RNF17: variants seen among roughly 807,000 people sequenced by gnomAD.
The protein encoded by RNF17 is spermatogenesis associated 23.
In RNF17, 31 loss-of-function variants were observed where a neutral mutation model predicts 200.5. That is an observed-to-expected ratio of 0.15 (90% CI 0.12 to 0.21). The LOEUF is 0.21. Among genes scored for constraint, RNF17 ranks in the 10% least tolerant of loss-of-function variants. The pLI is 1.00. For synonymous variants in RNF17, 606 were observed against 637.8 expected (o/e 0.95, Z 0.75); for missense variants, 1,628 against 1,905.1 (o/e 0.85, Z 2.71).
intron 11 of RNF17, among the ~76,000 whole-genome samples, 155 bp downstream of exon 11, chr13:24,796,450 T>G (rs1884581316): frequency 6.6e-6 from 1 of 152,254 alleles, no homozygotes; most frequent in African/African-American, 2.4e-5. Flanking sequence ...ATAAATTATT[T>G]AGGCAAATTA....
chr13:24,879,165 C>T (rs768794500), intron 34 of RNF17, 22 bp from the exon 35 acceptor site: 3 of 1,565,030 alleles, frequency 1.9e-6, no homozygotes, highest in South Asian at 2.2e-5. Flanking sequence ...GTTTTCTTGA[C>T]AACTGTATCT....
At chr13:24,796,981 C>G (rs1188805789) in intron 11 of RNF17, among the ~76,000 whole-genome samples, 1 of 152,080 alleles carries the variant, frequency 6.6e-6, no homozygotes, top group Non-Finnish European at 1.5e-5. Flanking sequence ...GTATGATTAA[C>G]TCTCAGCTCA....
At chr13:24,854,181 A>G in intron 25 of RNF17, 37 bp downstream of exon 25, 4 of 1,480,164 alleles carry the variant, frequency 2.7e-6, no homozygotes, top group Non-Finnish European at 3.7e-6. Flanking sequence ...CTAGTTCTCT[A>G]GTACGAACGA....
chr13:24,790,924 C>T (rs1360743334), intron 9 of RNF17, among the ~76,000 whole-genome samples: 1 of 152,152 alleles, frequency 6.6e-6, no homozygotes, highest in Non-Finnish European at 1.5e-5. Context: ...ATTAATTTCC[C>T]CAAAGGCCCC....
intron 1 of RNF17, 58 bp from the exon 2 acceptor site, chr13:24,767,214 A>G: frequency 8.1e-7 from 1 of 1,232,734 alleles, no homozygotes; most frequent in Non-Finnish European, 1.2e-6. Flanking sequence ...ACAGAGCAAG[A>G]CCCTGTCTCA....
intron 5 of RNF17, among the ~76,000 whole-genome samples, chr13:24,780,283 C>T (rs1236495854): frequency 6.6e-6 from 1 of 151,094 alleles, no homozygotes; most frequent in African/African-American, 2.4e-5. Context: ...ATGAGAAATA[C>T]GATAAAAGTA....
chr13:24,821,396 TC>T (rs1363666761), intron 15 of RNF17, among the ~76,000 whole-genome samples: 1 of 152,226 alleles, frequency 6.6e-6, no homozygotes, highest in Non-Finnish European at 1.5e-5. Flanking sequence ...TAGGTTCATG[TC>T]TTTCTTTAAA....
chr13:24,866,172 A>G lies in RNF17; in HGVS notation c.4130A>G (p.Tyr1377Cys). 2.6e-6 allele frequency: 4 copies of G among 1,559,472 alleles called. No homozygotes were observed. Among genetic ancestry groups the G allele is most frequent in the Admixed American group, 1.7e-5 (1 of 58,826 alleles). The change falls in exon 30 of 36, where the codon TAT becomes TGT. Residue 1377 changes from tyrosine to cysteine, a missense_variant. Around this residue, in one of 5 missense-constraint regions of RNF17, gnomAD observed 609 missense variants for 681.9 expected, o/e 0.89. Transcript: ENST00000255324. Reference sequence around the variant, plus strand: ...CCAAGATCAGATCATGATAAAAAGTATGAAGAGGAACAATGGGAAATAAGG... The same window carrying G: ...CCAAGATCAGATCATGATAAAAAGTGTGAAGAGGAACAATGGGAAATAAGG... The part of the protein sequence containing the change: ...EKPRSDHDKK[Y>C]EEEQWEIRFE...
At chr13:24,780,073 C>T (rs550161324) in intron 5 of RNF17, among the ~76,000 whole-genome samples, 2 of 152,256 alleles carry the variant, frequency 1.3e-5, no homozygotes, top group African/African-American at 2.4e-5. Context: ...GAGTCTCTTT[C>T]TCTCTTCCTA....
chr13:24,868,579 A>T (rs752276823), intron 30 of RNF17, 21 bp from the exon 31 acceptor site: 18 of 1,295,332 alleles, frequency 1.4e-5, no homozygotes, highest in Non-Finnish European at 1.9e-5. Flanking sequence ...CTGAAATTTG[A>T]ATTTTTCTGT....
chr13:24,884,364 A>G, downstream of RNF17: 3 of 1,614,208 alleles, frequency 1.9e-6, no homozygotes, highest in South Asian at 1.1e-5. Flanking sequence ...TCACCATTAA[A>G]GAAAGTGACA....
intron 15 of RNF17, chr13:24,824,188 C>T (rs1888390119): frequency 1.4e-6 from 1 of 714,328 alleles, no homozygotes; most frequent in Non-Finnish European, 2.6e-6. Context: ...CTTTGGATTG[C>T]TTTGTAGAGA....
chr13:24,856,037 T>G (rs1311124224), intron 25 of RNF17, among the ~76,000 whole-genome samples: 1 of 152,226 alleles, frequency 6.6e-6, no homozygotes, highest in Non-Finnish European at 1.5e-5. Flanking sequence ...ACTTGTCTTT[T>G]CAGTGTCTTT....
chr13:24,827,073 A>G (rs959192716), intron 16 of RNF17, among the ~76,000 whole-genome samples: 7 of 150,674 alleles, frequency 4.6e-5, no homozygotes, highest in African/African-American at 1.7e-4. Flanking sequence ...GAAAAAAAAA[A>G]GAGAAGTCAC....
In RNF17 at chr13:24,788,040, A is replaced by C. The variant is rs142707886; in HGVS notation, c.664A>C (p.Asn222His). Residue 222 changes from asparagine (N) to histidine (H), a missense_variant, in exon 7 of 36, where the codon AAT becomes CAT. Asn to His is a moderately conservative substitution (Grantham distance 68, BLOSUM62 1). Transcript: ENST00000255324. ...FARTTDDYLS[N>H]LIKAKSYIEE... The stretch of plus-strand genomic sequence containing the variant: ...AAGAACTACTGATGATTATCTATCA[A>C]ATTTAATAAAGGCTAAAAGCTACAT... 1 of 1,589,914 alleles carries C rather than the reference A, an allele frequency of 6.3e-7. No individual in the cohort carries two copies. Among genetic ancestry groups the C allele is most frequent in the East Asian group, 2.3e-5 (1 of 44,444 alleles).
intron 25 of RNF17, among the ~76,000 whole-genome samples, chr13:24,855,457 A>G (rs1892373249): frequency 1.3e-5 from 2 of 151,986 alleles, no homozygotes; most frequent in Non-Finnish European, 2.9e-5. Context: ...GTGAAACCCC[A>G]TCTCTACTAA....
At chr13:24,769,479 C>T (rs1880348461) in intron 2 of RNF17, among the ~76,000 whole-genome samples, 2 of 152,160 alleles carry the variant, frequency 1.3e-5, no homozygotes, top group Non-Finnish European at 2.9e-5. Context: ...TCTTCAGACG[C>T]ACTGGTGAGC....
chr13:24,848,149 T>C (rs568111803), intron 22 of RNF17, among the ~76,000 whole-genome samples: 1 of 152,298 alleles, frequency 6.6e-6, no homozygotes, highest in Non-Finnish European at 1.5e-5. Context: ...GGAAATTGAA[T>C]ATTTAAGAGG....
At chr13:24,846,154 G>A (rs1566215925) in intron 22 of RNF17, among the ~76,000 whole-genome samples, 1 of 152,136 alleles carries the variant, frequency 6.6e-6, no homozygotes, top group East Asian at 1.9e-4. Context: ...TCAGATATTT[G>A]ATTTTGTTAT....
Sources: allele counts gnomAD v4.1 joint callset (sites outside exome capture counted in the v4.1 genomes callset), GRCh38; gene constraint gnomAD v4.1.1; regional missense constraint gnomAD v4.1.1; transcripts MANE v1.5; gene names NCBI Gene and HGNC (gene_info 2026-07-23, HGNC 2026-07-21).